Variants in PELI2 observed in about 807,000 individuals in gnomAD.
PELI2 encodes pellino E3 ubiquitin protein ligase family member 2.
A neutral mutation model predicts 42.3 loss-of-function variants in PELI2; 23 were observed. The observed-to-expected ratio is 0.54, with a 90% CI of 0.39 to 0.77. PELI2 has a LOEUF of 0.77. PELI2 is among the 30% of genes least tolerant of loss of function. The pLI is 0.00. For synonymous variants in PELI2, 245 were observed against 212.2 expected (o/e 1.15, Z -1.34); for missense variants, 463 against 553.2 (o/e 0.84, Z 1.64).
chr14:56,258,598 A>G (rs1416040303), intron 2 of PELI2, among the ~76,000 whole-genome samples: 2 of 151,440 alleles, frequency 1.3e-5, no homozygotes, highest in Admixed American at 6.6e-5. Context: ...AAAACACTGG[A>G]TTGAGGTAGC....
intron 2 of PELI2, among the ~76,000 whole-genome samples, chr14:56,233,410 T>C (rs535009823): frequency 7.2e-5 from 11 of 152,202 alleles, no homozygotes; most frequent in Non-Finnish European, 1.2e-4. Context: ...AACAGAGATA[T>C]AGACCAATGG....
In PELI2 at chr14:56,197,934, C is replaced by T. The variant is rs937271349; in HGVS notation, c.207+19470C>T. On this transcript the variant is annotated intron_variant, in intron 2 of 5. Coordinates refer to ENST00000267460, the MANE Select transcript of PELI2 (RefSeq NM_021255.3). The surrounding 1 kb of genome is among the most constrained non-coding windows in gnomAD (Gnocchi z 4.9). ...TGGTGAAGACACACACACACACACA[C>T]ACACACACACACACCAGGGATCATG... is the stretch of plus-strand genomic sequence containing the variant. Among the ~76,000 whole-genome samples, 1,107 of 149,018 alleles carry T rather than the reference C, an allele frequency of 7.4e-3. 15 individuals carry two copies. Among genetic ancestry groups the T allele is most frequent in the African/African-American group, 0.026 (1,052 of 40,348 alleles).
chr14:56,164,784 A>T (rs1015603420), intron 1 of PELI2, among the ~76,000 whole-genome samples: 1 of 151,766 alleles, frequency 6.6e-6, no homozygotes, highest in African/African-American at 2.4e-5. Flanking sequence ...GTATCTAGGA[A>T]TTTTTCCATT....
chr14:56,252,167 T>C (rs1032252114), intron 2 of PELI2, among the ~76,000 whole-genome samples: 9 of 152,198 alleles, frequency 5.9e-5, no homozygotes, highest in African/African-American at 1.9e-4. Flanking sequence ...CAAGTAAATA[T>C]AGTTGTCATA....
intron 1 of PELI2, among the ~76,000 whole-genome samples, chr14:56,159,920 T>C (rs1463359727): frequency 6.6e-6 from 1 of 151,766 alleles, no homozygotes; most frequent in Non-Finnish European, 1.5e-5. Context: ...TAACAGTACC[T>C]ATTTGAGATG....
At position 56,273,236 on chromosome 14, in the gene PELI2, C is replaced by T. The variant is rs567055823; in HGVS notation, c.208-6440C>T. 6.6e-6 allele frequency among the ~76,000 whole-genome samples: 1 copy of T among 152,212 alleles called. No individual in the cohort carries two copies. Among genetic ancestry groups the T allele is most frequent in the Non-Finnish European group, 1.5e-5 (1 of 68,032 alleles). The stretch of plus-strand genomic sequence containing the variant: ...GCATTTCATTCTCCAGGCCCTCTCC[C>T]TGTGGCTTTGGCTTCTTGGAGCCTA... On this transcript the variant is annotated intron_variant, in intron 2 of 5. Coordinates refer to ENST00000267460, the MANE Select transcript of PELI2 (RefSeq NM_021255.3). This position sits in a 1 kb window ranked among gnomAD's most constrained non-coding sequence, Gnocchi z 4.3.
chr14:56,262,840 A>G (rs1888759939), intron 2 of PELI2, among the ~76,000 whole-genome samples: 1 of 152,202 alleles, frequency 6.6e-6, no homozygotes, highest in African/African-American at 2.4e-5. Flanking sequence ...TCTCTACCAA[A>G]TACAGCCAGA....
intron 2 of PELI2, among the ~76,000 whole-genome samples, chr14:56,206,942 A>G (rs1886539039): frequency 6.6e-6 from 1 of 152,242 alleles, no homozygotes. Flanking sequence ...CATGTTGGCT[A>G]TGCCTAATCA....
chr14:56,131,480 G>C (rs781568549), intron 1 of PELI2, among the ~76,000 whole-genome samples: 4 of 152,236 alleles, frequency 2.6e-5, no homozygotes, highest in Non-Finnish European at 4.4e-5. Context: ...AGCAGTATTA[G>C]ATGTTATATG....
At chr14:56,283,583 G>C (rs1889551596) in intron 3 of PELI2, among the ~76,000 whole-genome samples, 1 of 152,198 alleles carries the variant, frequency 6.6e-6, no homozygotes. Context: ...CACATGCTGA[G>C]AATACTGATT....
chr14:56,139,654 CCA>C (rs1403537456), intron 1 of PELI2, among the ~76,000 whole-genome samples: 1 of 152,046 alleles, frequency 6.6e-6, no homozygotes, highest in Non-Finnish European at 1.5e-5. Flanking sequence ...TGTTCCCCCA[CCA>C]CACACACCTT....
rs994474732 is a variant in PELI2, at chr14:56,227,856, G to T, written c.207+49392G>T. Among the ~76,000 whole-genome samples, 17 of 152,230 alleles carry T rather than the reference G, an allele frequency of 1.1e-4. 1 individual carries two copies. The Middle Eastern group carries it at 0.01, about 92-fold the overall frequency. On this transcript the variant is annotated intron_variant, in intron 2 of 5. Transcript: ENST00000267460. ...AAAAATTACAGAGGGCTTTCAGAAG[G>T]GCTCATAAGCCAGATTGAAGGAGTT...
At chr14:56,269,117 C>T (rs1889010139) in intron 2 of PELI2, among the ~76,000 whole-genome samples, 1 of 152,050 alleles carries the variant, frequency 6.6e-6, no homozygotes, top group African/African-American at 2.4e-5. Context: ...CCCTGTTTTC[C>T]AAAAGATGTG....
At chr14:56,128,556 C>G (rs1165199497) in intron 1 of PELI2, among the ~76,000 whole-genome samples, 1 of 152,010 alleles carries the variant, frequency 6.6e-6, no homozygotes, top group East Asian at 1.9e-4. Context: ...GGAAAGATTT[C>G]CTGGGGCAGT....
At chr14:56,178,310 T>G (rs1222398905) in intron 1 of PELI2, 25 bp from the exon 2 acceptor site, 1 of 1,612,114 alleles carries the variant, frequency 6.2e-7, no homozygotes, top group East Asian at 2.2e-5. Flanking sequence ...TGCAGATAGA[T>G]GAACTCTTTC....
chr14:56,249,649 C>T (rs889148528), intron 2 of PELI2, among the ~76,000 whole-genome samples: 1 of 152,168 alleles, frequency 6.6e-6, no homozygotes, highest in African/African-American at 2.4e-5. Context: ...GCTTGTGTTC[C>T]CCTGAGGAGG....
At chr14:56,165,167 A>G (rs971678975) in intron 1 of PELI2, among the ~76,000 whole-genome samples, 4 of 152,102 alleles carry the variant, frequency 2.6e-5, no homozygotes, top group Admixed American at 2.6e-4. Flanking sequence ...ATTAACAGCT[A>G]TAAACTTCCC....
At chr14:56,223,313 G>A (rs2139753978) in intron 2 of PELI2, among the ~76,000 whole-genome samples, 1 of 152,324 alleles carries the variant, frequency 6.6e-6, no homozygotes, top group African/African-American at 2.4e-5. Context: ...TAGGCTCCCA[G>A]TGCTCTCTGG....
chr14:56,130,353 G>A (rs1240363652), intron 1 of PELI2, among the ~76,000 whole-genome samples: 1 of 152,190 alleles, frequency 6.6e-6, no homozygotes, highest in East Asian at 1.9e-4. Context: ...ATGTGACAGA[G>A]TGCTGATTCG....
Sources: allele counts gnomAD v4.1 joint callset (sites outside exome capture counted in the v4.1 genomes callset), GRCh38; gene constraint gnomAD v4.1.1; non-coding constraint Gnocchi (gnomAD v3.1); transcripts MANE v1.5; gene names NCBI Gene and HGNC (gene_info 2026-07-23, HGNC 2026-07-21).